The following AP3S2 variants were observed in gnomAD, a reference collection of about 807,000 sequenced individuals.
AP3S2 encodes the protein adaptor related protein complex 3 subunit sigma 2, also known as AP-3 complex subunit sigma-2.
A neutral mutation model predicts 23.4 loss-of-function variants in AP3S2; 22 were observed. The ratio of observed to expected loss-of-function variants is 0.94; its 90% CI spans 0.67 to 1.34. The LOEUF (loss-of-function observed/expected upper bound fraction) is 1.34, where lower values mean the gene tolerates loss of function less well. AP3S2 is among the 40% of genes most tolerant of loss of function. The probability of loss-of-function intolerance (pLI) is 0.00; values close to 1 mark genes in which losing one functional copy is unlikely to be tolerated. For missense variants in AP3S2, 241 were observed against 236.9 expected, an observed-to-expected ratio of 1.02 and a Z score of -0.11; for synonymous variants, 86 against 87.1, an observed-to-expected ratio of 0.99 and a Z score of 0.07.
At chr15:89,867,910 G>A (rs1307167314) in intron 4 of AP3S2, among the ~76,000 whole-genome samples, 9 of 131,254 alleles carry the variant, frequency 6.9e-5, no homozygotes, top group South Asian at 2.7e-4. Context: ...CACCCCGTCC[G>A]GGAGGGAGGT....
intron 3 of AP3S2, among the ~76,000 whole-genome samples, chr15:89,875,637 G>A (rs1211813845): frequency 6.6e-6 from 1 of 152,168 alleles, no homozygotes. Flanking sequence ...TCTGATAAAG[G>A]AAGAGAGGGA....
intron 1 of AP3S2, among the ~76,000 whole-genome samples, chr15:89,892,825 T>A (rs1318930289): frequency 2.0e-5 from 3 of 152,038 alleles, no homozygotes; most frequent in Non-Finnish European, 2.9e-5. Context: ...CCACCGCGCT[T>A]GGCTAATTTT....
chr15:89,885,916 G>A (rs12912009), intron 3 of AP3S2, among the ~76,000 whole-genome samples: 104,327 of 145,566 alleles, frequency 0.72, 37,188 homozygotes, highest in East Asian at 0.81. Context: ...ACTACAGTTT[G>A]AGAGCAAGAC....
At chr15:89,862,091 G>A (rs749385027) in intron 4 of AP3S2, among the ~76,000 whole-genome samples, 2 of 152,086 alleles carry the variant, frequency 1.3e-5, no homozygotes, top group African/African-American at 2.4e-5. Flanking sequence ...GAATGTGTCC[G>A]GCCAAGGAGT....
intron 4 of AP3S2, among the ~76,000 whole-genome samples, chr15:89,844,269 TTCTCTCTC>T (rs796817436): frequency 1.7e-4 from 2 of 12,104 alleles, no homozygotes; most frequent in East Asian, 3.6e-3. Flanking sequence ...CTTTCTTTCT[TTCTCTCTC>T]TCTCTCTTTC....
At chr15:89,889,603 T>C (rs1431444918) in intron 1 of AP3S2, 1 of 160,388 alleles carries the variant, frequency 6.2e-6, no homozygotes, top group African/African-American at 2.4e-5. Context: ...TCCAGCACTT[T>C]AGGAGGCAGA....
intron 4 of AP3S2, among the ~76,000 whole-genome samples, chr15:89,859,975 A>T (rs529930078): frequency 6.6e-6 from 1 of 152,028 alleles, no homozygotes; most frequent in African/African-American, 2.4e-5. Flanking sequence ...CGTGTTAGCC[A>T]GGTTGGTCTC....
intron 4 of AP3S2, among the ~76,000 whole-genome samples, chr15:89,847,979 C>T (rs1033748232): frequency 1.3e-5 from 2 of 152,156 alleles, no homozygotes; most frequent in African/African-American, 4.8e-5. Context: ...AGGATTCCAT[C>T]TAACCGAAAA....
At chr15:89,861,128 T>C (rs759899276) in intron 4 of AP3S2, among the ~76,000 whole-genome samples, 5 of 152,334 alleles carry the variant, frequency 3.3e-5, no homozygotes, top group South Asian at 4.1e-4. Flanking sequence ...TTACTGTTTA[T>C]GATCCTTTCA....
rs527623794 is a variant in AP3S2 at position 89,846,768 on chromosome 15, C to T, written c.346-9046G>A. Reference sequence around the variant, plus strand: ...GTCTCGATCTCCTGACCTTGTGATCCGCCTGCCTCGGCCTCCCAAAGTGCT... The same window carrying T: ...GTCTCGATCTCCTGACCTTGTGATCTGCCTGCCTCGGCCTCCCAAAGTGCT... On this transcript the variant is annotated intron_variant, in intron 4 of 5. Transcript: ENST00000336418. Among the ~76,000 whole-genome samples the T allele has an allele frequency of 2.0e-3, 297 of 152,264 alleles. 1 individual carries two copies. Among genetic ancestry groups the T allele is most frequent in the Admixed American group, 3.0e-3 (46 of 15,300 alleles).
chr15:89,871,440 A>C, intron 4 of AP3S2, 35 bp downstream of exon 4: 1 of 1,588,108 alleles, frequency 6.3e-7, no homozygotes, highest in Non-Finnish European at 8.5e-7. Context: ...TTTTCTAGTA[A>C]CCCTAGTTTG....
chr15:89,841,140 A>T (rs2141837867), intron 4 of AP3S2, among the ~76,000 whole-genome samples: 1 of 152,346 alleles, frequency 6.6e-6, no homozygotes, highest in Middle Eastern at 3.4e-3. Context: ...TAAAAGGCCT[A>T]ACACATGATG....
intron 5 of AP3S2, among the ~76,000 whole-genome samples, chr15:89,837,377 TCTGG>T (rs1353957317): frequency 2.6e-5 from 4 of 152,220 alleles, no homozygotes; most frequent in Non-Finnish European, 5.9e-5. Context: ...TCCTCTGCCA[TCTGG>T]CTTTTCTATT....
rs1196961168 is a variant in AP3S2, at chr15:89,888,593, G to A, written c.201C>T (p.His67=). Residue 67 remains histidine (H), a synonymous_variant, in exon 3 of 6, where the codon CAC becomes CAT. Coordinates refer to ENST00000336418, the MANE Select transcript of AP3S2 (RefSeq NM_005829.5). ...GGSDYKLIYR[H]YATLYFVFCV... is the part of the protein sequence containing the mutation. ...AAAATACAAAGTAGAGGGTAGCATA[G>A]TGCCGGTAGATCAGTTTGTAGTCAG... 6.2e-7 allele frequency: 1 copy of A among 1,614,204 alleles called. No individual in the cohort carries two copies. The highest frequency in any genetic ancestry group is 8.5e-7 in the Non-Finnish European group (1 of 1,180,026).
At chr15:89,860,182 C>T (rs1895979692) in intron 4 of AP3S2, among the ~76,000 whole-genome samples, 1 of 152,164 alleles carries the variant, frequency 6.6e-6, no homozygotes, top group African/African-American at 2.4e-5. Flanking sequence ...CCCCCCTTAC[C>T]TGCCTAGAAT....
rs565485196 is a variant in AP3S2 at position 89,840,347 on chromosome 15, T to C, written c.346-2625A>G. On this transcript the variant is annotated intron_variant, in intron 4 of 5. Transcript: ENST00000336418. The stretch of plus-strand genomic sequence containing the variant: ...AGTAGTACTTGTTGAGTATCTATTA[T>C]GAACCAAGTACTTTATGTAACTTAC... Among the ~76,000 whole-genome samples the C allele has an allele frequency of 8.9e-4, 136 of 152,334 alleles. 1 individual carries two copies. The highest frequency in any genetic ancestry group is 1.9e-3 in the South Asian group (9 of 4,826).
rs189379071 is a variant in AP3S2 at position 89,888,324 on chromosome 15, A to G, written c.273+197T>C. On this transcript the variant is annotated intron_variant, in intron 3 of 5. Transcript: ENST00000336418. Reference sequence around the variant, plus strand: ...TGTAAATGAAAACCAAGGGCAGTGCAAGGGCTAGATAGAAACCAATAAATC... The same window carrying G: ...TGTAAATGAAAACCAAGGGCAGTGCGAGGGCTAGATAGAAACCAATAAATC... 2.0e-5 allele frequency among the ~76,000 whole-genome samples: 3 copies of G among 152,346 alleles called. No individual in the cohort carries two copies. The East Asian group carries it at 5.8e-4, about 29-fold the overall frequency.
chr15:89,878,948 A>G (rs1283142963), intron 3 of AP3S2, among the ~76,000 whole-genome samples: 1 of 152,190 alleles, frequency 6.6e-6, no homozygotes, highest in Admixed American at 6.5e-5. Context: ...AGGTTTCACC[A>G]TGTTAGCCAG....
intron 4 of AP3S2, among the ~76,000 whole-genome samples, chr15:89,852,188 G>C (rs918189786): frequency 2.0e-5 from 3 of 152,158 alleles, no homozygotes; most frequent in African/African-American, 4.8e-5. Flanking sequence ...GTAAAATGGG[G>C]AGAACCAGAG....
Sources: allele counts gnomAD v4.1 joint callset (sites outside exome capture counted in the v4.1 genomes callset), GRCh38; gene constraint gnomAD v4.1.1; transcripts MANE v1.5; gene names NCBI Gene and HGNC (gene_info 2026-07-23, HGNC 2026-07-21).